The following MINDY4 variants were observed in gnomAD, a reference collection of about 807,000 sequenced individuals.
MINDY4 encodes the protein probable ubiquitin carboxyl-terminal hydrolase MINDY-4.
Under a neutral mutation model 87.0 loss-of-function variants are expected in MINDY4, and 68 were observed. That is an observed-to-expected ratio of 0.78 (90% confidence interval 0.64 to 0.96). The LOEUF (loss-of-function observed/expected upper bound fraction) is 0.96. MINDY4 is among the 40% of genes least tolerant of loss of function. The pLI is 0.00. For synonymous variants in MINDY4, 379 were observed against 363.2 expected, an observed-to-expected ratio of 1.04 and a Z score of -0.50; for missense variants, 919 against 928.2, an observed-to-expected ratio of 0.99 and a Z score of 0.13.
intron 13 of MINDY4, among the ~76,000 whole-genome samples, chr7:30,866,834 G>C (rs1789951367): frequency 6.6e-6 from 1 of 152,132 alleles, no homozygotes; most frequent in Non-Finnish European, 1.5e-5. Flanking sequence ...GCTTTGGCCA[G>C]CTGCTGATGA....
intron 5 of MINDY4, among the ~76,000 whole-genome samples, chr7:30,825,747 A>G (rs1461849871): frequency 2.0e-5 from 3 of 152,194 alleles, no homozygotes; most frequent in Non-Finnish European, 4.4e-5. Context: ...TCCAGAGGAG[A>G]CCAAGAGAAT....
chr7:30,851,143 C>CA (rs777115057), intron 10 of MINDY4, among the ~76,000 whole-genome samples: 2 of 152,222 alleles, frequency 1.3e-5, no homozygotes. Flanking sequence ...CCTGATCCGT[C>CA]AGAGTGGAAG....
intron 13 of MINDY4, among the ~76,000 whole-genome samples, chr7:30,864,629 T>C (rs1789871351): frequency 6.6e-6 from 1 of 152,246 alleles, no homozygotes; most frequent in Admixed American, 6.5e-5. Flanking sequence ...TGGGTGCCAT[T>C]CCTGGTGTGA....
intron 17 of MINDY4, among the ~76,000 whole-genome samples, 191 bp downstream of exon 17, chr7:30,883,184 C>T (rs1790524924): frequency 6.6e-6 from 1 of 152,174 alleles, no homozygotes; most frequent in Non-Finnish European, 1.5e-5. Context: ...AGTGTGTGGT[C>T]TGCAGTGGTG....
At position 30,850,344 on chromosome 7, in the gene MINDY4, G is replaced by A. The variant is rs575730659; in HGVS notation, c.1446-110G>A. ...GCAGGTGGCCCCTCTGCAGGCCAGA[G>A]AAAGAACAGGCCATCTGCGGAGGGG... On this transcript the variant is annotated intron_variant, in intron 9 of 17. Transcript: ENST00000265299. 27 of 1,026,100 alleles carry A rather than the reference G, an allele frequency of 2.6e-5. No homozygotes were observed. The South Asian group carries it at 4.0e-4, about 15-fold the overall frequency. 63.6% of individuals were successfully genotyped at this position (1,026,100 alleles called of 1,614,324 possible).
intron 15 of MINDY4, 98 bp from the exon 16 acceptor site, chr7:30,882,083 G>A: frequency 8.6e-7 from 1 of 1,164,808 alleles, no homozygotes; most frequent in East Asian, 2.4e-5. Context: ...CTTCAGCAGG[G>A]CCTCTCTGAG....
At chr7:30,853,340 T>G in intron 11 of MINDY4, 54 bp from the exon 12 acceptor site, 1 of 1,451,758 alleles carries the variant, frequency 6.9e-7, no homozygotes, top group Non-Finnish European at 9.6e-7. Flanking sequence ...TAATTCAGGA[T>G]GGGGCACTGC....
At chr7:30,771,651 G>A in intron 1 of MINDY4, 95 bp downstream of exon 1, 2 of 1,241,314 alleles carry the variant, frequency 1.6e-6, no homozygotes, top group Non-Finnish European at 2.2e-6. Context: ...CTGGGAGGGC[G>A]CCCGTTCCCT....
At chr7:30,873,488 CA>C (rs1226804415) in intron 14 of MINDY4, among the ~76,000 whole-genome samples, 20 of 152,332 alleles carry the variant, frequency 1.3e-4, no homozygotes, top group Admixed American at 8.5e-4. Flanking sequence ...GGGCTGCTTA[CA>C]CTTTGAATGA....
rs914242287 is a variant in MINDY4, at chr7:30,823,056, A to AT, written c.1074-5613dup. 1.2e-4 allele frequency among the ~76,000 whole-genome samples: 18 copies of AT among 148,540 alleles called. No individual in the cohort carries two copies. In the South Asian group the frequency reaches 1.3e-3, roughly 11 times the overall value. On this transcript the variant is annotated intron_variant, in intron 5 of 17. Coordinates refer to ENST00000265299, the MANE Select transcript of MINDY4 (RefSeq NM_032222.3). ...TTTCATTATTAGGTTTACATTAAGC[A>AT]TTTTTTTTTTGGCAGGGACAATACA... is the stretch of plus-strand genomic sequence containing the variant.
At chr7:30,810,962 T>A (rs1358676413) in intron 5 of MINDY4, among the ~76,000 whole-genome samples, 13 of 152,200 alleles carry the variant, frequency 8.5e-5, no homozygotes, top group Admixed American at 7.8e-4. Context: ...ATTATATACT[T>A]GGTTTATCTT....
At chr7:30,809,569 T>C (rs1282116457) in intron 5 of MINDY4, among the ~76,000 whole-genome samples, 2 of 151,906 alleles carry the variant, frequency 1.3e-5, no homozygotes, top group African/African-American at 4.8e-5. Flanking sequence ...AAAAGCCATC[T>C]ATACAATTCT....
At chr7:30,862,630 AT>A (rs1789800914) in intron 13 of MINDY4, among the ~76,000 whole-genome samples, 1 of 152,208 alleles carries the variant, frequency 6.6e-6, no homozygotes, top group African/African-American at 2.4e-5. Context: ...CTCTACAGAC[AT>A]TTGGACACTT....
chr7:30,889,740 G>GTGA (rs2128584025), intron 17 of MINDY4, among the ~76,000 whole-genome samples: 1 of 152,312 alleles, frequency 6.6e-6, no homozygotes, highest in Non-Finnish European at 1.5e-5. Context: ...AATGGAGTAA[G>GTGA]TGATGATGCT....
At chr7:30,853,679 G>A (rs1259824864) in intron 12 of MINDY4, among the ~76,000 whole-genome samples, 2 of 152,238 alleles carry the variant, frequency 1.3e-5, no homozygotes, top group Non-Finnish European at 1.5e-5. Context: ...AGCTGGTCCT[G>A]GAGGCAGGGC....
intron 4 of MINDY4, among the ~76,000 whole-genome samples, chr7:30,787,341 A>G (rs1787185741): frequency 6.6e-6 from 1 of 152,234 alleles, no homozygotes; most frequent in African/African-American, 2.4e-5. Context: ...AACCCTGTCC[A>G]GGGGAAAGGG....
rs76671997 is a variant in MINDY4, at chr7:30,838,683, T to G, written c.1240-517T>G. Among the ~76,000 whole-genome samples the G allele has an allele frequency of 1.8e-4, 28 of 152,290 alleles. No homozygotes were observed. In the East Asian group the frequency reaches 5.0e-3, roughly 27 times the overall value. ...TAACCCTGCACTAGAGCACTGGCTC[T>G]CAAACCCGGCACACTGTGGAATCAC... On this transcript the variant is annotated intron_variant, in intron 7 of 17. Coordinates refer to ENST00000265299, the MANE Select transcript of MINDY4 (RefSeq NM_032222.3).
At chr7:30,821,373 G>A (rs1323269772) in intron 5 of MINDY4, among the ~76,000 whole-genome samples, 2 of 152,144 alleles carry the variant, frequency 1.3e-5, no homozygotes, top group African/African-American at 4.8e-5. Context: ...TGATGTTTTA[G>A]TTGGGAATTT....
intron 4 of MINDY4, 24 bp from the exon 5 acceptor site, chr7:30,791,141 T>C (rs1469954306): frequency 6.4e-7 from 1 of 1,573,636 alleles, no homozygotes; most frequent in Admixed American, 1.8e-5. Flanking sequence ...GGGTCCTCAC[T>C]GCTTTTGTCC....
Sources: gnomAD v4.1 joint callset for allele counts (sites outside exome capture counted in the v4.1 genomes callset) on GRCh38, gnomAD v4.1.1 for gene constraint, MANE v1.5 for transcripts, NCBI Gene and HGNC (gene_info 2026-07-23, HGNC 2026-07-21) for gene names.